Variants in MGLL observed in about 807,000 individuals in gnomAD.
The protein encoded by MGLL is monoglyceride lipase.
Under a neutral mutation model 29.1 loss-of-function variants are expected in MGLL, and 7 were observed. The ratio of observed to expected loss-of-function variants is 0.24; its 90% CI spans 0.14 to 0.45. The LOEUF is 0.45. MGLL is among the 20% of genes least tolerant of loss of function. MGLL has a pLI of 0.99. For synonymous variants in MGLL, 148 were observed against 168.3 expected (o/e 0.88, Z 0.93); for missense variants, 356 against 413.6 (o/e 0.86, Z 1.21).
chr3:127,818,210 G>A lies in MGLL; in HGVS notation c.155+3484C>T, dbSNP rs148067866. 1.9e-3 allele frequency among the ~76,000 whole-genome samples: 286 copies of A among 152,124 alleles called. 1 individual carries two copies. The highest frequency in any genetic ancestry group is 6.2e-3 in the African/African-American group (257 of 41,484). ...ACTCCTGGCCTCAAGTGATCCACCC[G>A]CCTCAGCCTCCCGATGTGTTGGGAT... On this transcript the variant is annotated intron_variant, in intron 2 of 7. Transcript: ENST00000265052.
chr3:127,705,241 G>A (rs1200323776), intron 6 of MGLL, among the ~76,000 whole-genome samples: 2 of 152,086 alleles, frequency 1.3e-5, no homozygotes, highest in African/African-American at 2.4e-5. Context: ...CACGGGGGGA[G>A]GGAGAGCATC....
At chr3:127,752,387 T>C (rs782081) in intron 3 of MGLL, among the ~76,000 whole-genome samples, 81,133 of 152,024 alleles carry the variant, frequency 0.53, 22,161 homozygotes, top group Admixed American at 0.62. Context: ...GCATAAGCCA[T>C]CACGCCCGGC....
At chr3:127,786,638 A>G (rs1447867348) in intron 2 of MGLL, among the ~76,000 whole-genome samples, 1 of 152,228 alleles carries the variant, frequency 6.6e-6, no homozygotes, top group Non-Finnish European at 1.5e-5. Context: ...AGGCTGCTTT[A>G]TCCTCTCCAT....
Position 127,767,218 on chromosome 3 carries a change from C to G in MGLL, c.262+14571G>C, listed in dbSNP as rs1190298648. ...CCATCTATGGGTGCCTGTCATGGAGCCTGGATTTATCTAATCTCTCAATAT... is the reference window on the plus strand; with the variant it reads ...CCATCTATGGGTGCCTGTCATGGAGGCTGGATTTATCTAATCTCTCAATAT... On this transcript the variant is annotated intron_variant, in intron 3 of 7. Coordinates refer to ENST00000265052, the MANE Select transcript of MGLL (RefSeq NM_007283.7). 2.0e-5 allele frequency among the ~76,000 whole-genome samples: 3 copies of G among 151,996 alleles called. No homozygotes were observed. In the East Asian group the frequency reaches 5.8e-4, roughly 29 times the overall value.
chr3:127,710,528 T>G, intron 6 of MGLL, 48 bp downstream of exon 6: 2 of 1,439,890 alleles, frequency 1.4e-6, no homozygotes, highest in South Asian at 1.2e-5. Flanking sequence ...TGATTCCCCA[T>G]GGGGGCAGCC....
intron 3 of MGLL, among the ~76,000 whole-genome samples, chr3:127,776,090 C>T (rs2077032095): frequency 6.6e-6 from 1 of 152,188 alleles, no homozygotes; most frequent in Non-Finnish European, 1.5e-5. Flanking sequence ...TGGCAGCAGC[C>T]CCTCCGTTTC....
chr3:127,765,942 G>A (rs981374472), intron 3 of MGLL, among the ~76,000 whole-genome samples: 3 of 152,188 alleles, frequency 2.0e-5, no homozygotes, highest in Admixed American at 2.0e-4. Context: ...ATGGGGGCTT[G>A]TTGAGCACCT....
intron 3 of MGLL, among the ~76,000 whole-genome samples, chr3:127,772,046 A>C (rs1178324338): frequency 6.6e-6 from 1 of 152,186 alleles, no homozygotes. Context: ...TCAAAAAGCA[A>C]AAGAGGTGTC....
intron 3 of MGLL, among the ~76,000 whole-genome samples, chr3:127,738,299 T>C (rs1447365517): frequency 6.8e-6 from 1 of 147,386 alleles, no homozygotes; most frequent in African/African-American, 2.6e-5. Flanking sequence ...AGATTCTGTC[T>C]CTTTAAAAAA....
intron 2 of MGLL, among the ~76,000 whole-genome samples, chr3:127,819,496 G>A (rs7644821): frequency 0.021 from 3,184 of 152,262 alleles, 101 homozygotes; most frequent in South Asian, 0.1. Flanking sequence ...TGGTACAGTA[G>A]TGGGGGAGGG....
At chr3:127,770,169 G>A (rs1009489378) in intron 3 of MGLL, among the ~76,000 whole-genome samples, 7 of 152,008 alleles carry the variant, frequency 4.6e-5, no homozygotes, top group South Asian at 2.1e-4. Flanking sequence ...ACAGGTGCAC[G>A]CCACTGCACC....
At chr3:127,800,416 T>C (rs961162056) in intron 2 of MGLL, among the ~76,000 whole-genome samples, 1 of 152,248 alleles carries the variant, frequency 6.6e-6, no homozygotes, top group African/African-American at 2.4e-5. Context: ...AGATCTAGGC[T>C]CTGTGACTTC....
intron 4 of MGLL, 66 bp downstream of exon 4, chr3:127,722,363 AC>A: frequency 6.2e-7 from 1 of 1,607,954 alleles, no homozygotes. Flanking sequence ...AGTCAGGGCC[AC>A]CCCCTTCCCC....
At chr3:127,800,119 A>G (rs1474332) in intron 2 of MGLL, among the ~76,000 whole-genome samples, 25,930 of 152,158 alleles carry the variant, frequency 0.17, 2,442 homozygotes, top group South Asian at 0.26. Context: ...CCCCATGGTC[A>G]GGAACACAGA....
chr3:127,802,533 T>C (rs567672318), intron 2 of MGLL, among the ~76,000 whole-genome samples: 2 of 152,340 alleles, frequency 1.3e-5, no homozygotes, highest in East Asian at 1.9e-4. Flanking sequence ...GAAACTTAGA[T>C]GGCTATTATT....
At chr3:127,722,312 A>C in intron 4 of MGLL, 118 bp downstream of exon 4, 1 of 1,410,090 alleles carries the variant, frequency 7.1e-7, no homozygotes, top group Non-Finnish European at 9.9e-7. Flanking sequence ...GCACAAAGGG[A>C]GACATCATGC....
intron 3 of MGLL, among the ~76,000 whole-genome samples, chr3:127,738,375 C>G (rs896512010): frequency 1.3e-5 from 2 of 152,062 alleles, no homozygotes; most frequent in Non-Finnish European, 2.9e-5. Context: ...CTTGTTGATT[C>G]CTCCAGCAAA....
chr3:127,733,593 C>T (rs1018137787), intron 3 of MGLL, among the ~76,000 whole-genome samples: 1 of 152,050 alleles, frequency 6.6e-6, no homozygotes, highest in Non-Finnish European at 1.5e-5. Context: ...CTTGGGAGGA[C>T]GTGGCCTGAG....
At chr3:127,736,131 A>C (rs1201230180) in intron 3 of MGLL, 1 of 1,119,096 alleles carries the variant, frequency 8.9e-7, no homozygotes, top group African/African-American at 1.6e-5. Flanking sequence ...GGGTCAGTCA[A>C]ACCTAATAAA....
Sources: gnomAD v4.1 joint callset for allele counts (sites outside exome capture counted in the v4.1 genomes callset) on GRCh38, gnomAD v4.1.1 for gene constraint, MANE v1.5 for transcripts, NCBI Gene and HGNC (gene_info 2026-07-23, HGNC 2026-07-21) for gene names.